MAST2: variants seen among roughly 807,000 people sequenced by gnomAD.
MAST2 encodes microtubule associated serine/threonine kinase 2, also known as microtubule-associated serine/threonine-protein kinase 2.
A neutral mutation model predicts 147.4 loss-of-function variants in MAST2; 70 were observed. That is an observed-to-expected ratio of 0.47 (90% CI 0.39 to 0.58). MAST2 has a LOEUF of 0.58. Ranked by LOEUF, MAST2 falls within the 20% of genes least tolerant of loss-of-function variation. MAST2 has a pLI of 0.00. For synonymous variants in MAST2, 869 were observed against 896.8 expected, an observed-to-expected ratio of 0.97 and a Z score of 0.55; for missense variants, 2,080 against 2,302.3, an observed-to-expected ratio of 0.90 and a Z score of 1.98.
chr1:45,809,863 G>A (rs755864328), intron 1 of MAST2, among the ~76,000 whole-genome samples: 1 of 152,202 alleles, frequency 6.6e-6, no homozygotes, highest in Non-Finnish European at 1.5e-5. Context: ...CACATAATAA[G>A]TAGGTGCTTA....
intron 15 of MAST2, chr1:46,024,245 T>G (rs991925159): frequency 1.1e-5 from 5 of 448,278 alleles, no homozygotes; most frequent in Non-Finnish European, 2.1e-5. Flanking sequence ...GCCTGCACGC[T>G]CTCTACTGCT....
intron 10 of MAST2, among the ~76,000 whole-genome samples, chr1:46,016,770 A>G (rs1645964346): frequency 6.6e-6 from 1 of 152,244 alleles, no homozygotes; most frequent in African/African-American, 2.4e-5. Flanking sequence ...TATAGATTCA[A>G]CACCATCCCC....
chr1:45,934,989 A>G (rs958908755), intron 4 of MAST2, among the ~76,000 whole-genome samples: 1 of 152,256 alleles, frequency 6.6e-6, no homozygotes, highest in East Asian at 1.9e-4. Flanking sequence ...TGCTTTCCAC[A>G]GAGGCTGAAC....
chr1:45,851,344 AT>A (rs1431096279), intron 3 of MAST2, among the ~76,000 whole-genome samples: 1 of 152,154 alleles, frequency 6.6e-6, no homozygotes, highest in Non-Finnish European at 1.5e-5. Context: ...CTGGGAAGCC[AT>A]TTATCAGTTC....
intron 26 of MAST2, among the ~76,000 whole-genome samples, chr1:46,033,117 A>G (rs969152796): frequency 1.3e-5 from 2 of 152,070 alleles, no homozygotes; most frequent in African/African-American, 4.8e-5. Flanking sequence ...TACTAAAAAT[A>G]ACAAAAATTA....
At chr1:45,903,191 G>A (rs569679365) in intron 4 of MAST2, among the ~76,000 whole-genome samples, 5 of 132,128 alleles carry the variant, frequency 3.8e-5, no homozygotes, top group South Asian at 4.8e-4. Context: ...ATGCAGTGGC[G>A]TGATCTCGGC....
In MAST2 at chr1:45,886,138, A is replaced by T. The variant is rs192481930; in HGVS notation, c.500+3743A>T. Reference sequence around the variant, plus strand: ...AAAATCAAAAAATTTTGTATTGTCCAGGAATTTTCTCATTAAGGCAACATT... The same window carrying T: ...AAAATCAAAAAATTTTGTATTGTCCTGGAATTTTCTCATTAAGGCAACATT... On this transcript the variant is annotated intron_variant, in intron 4 of 28. Transcript: ENST00000361297. Among the ~76,000 whole-genome samples, 11 of 151,702 alleles carry T rather than the reference A, an allele frequency of 7.3e-5. No individual in the cohort carries two copies. The East Asian group carries it at 2.1e-3, about 29-fold the overall frequency.
intron 3 of MAST2, among the ~76,000 whole-genome samples, chr1:45,876,793 TA>T (rs1283994166): frequency 6.6e-6 from 1 of 152,156 alleles, no homozygotes; most frequent in African/African-American, 2.4e-5. Context: ...TGTATAGGTG[TA>T]AGGAAGTCGG....
intron 5 of MAST2, among the ~76,000 whole-genome samples, chr1:45,996,597 G>A (rs1043171633): frequency 2.0e-5 from 3 of 152,072 alleles, no homozygotes; most frequent in African/African-American, 7.2e-5. Flanking sequence ...ATGCACCTGG[G>A]GGTGAGAAGA....
At position 45,888,663 on chromosome 1, in the gene MAST2, C is replaced by CTTTTTTTTTT. The variant is rs71587722; in HGVS notation, c.500+6295_500+6304dup. Among the ~76,000 whole-genome samples, 131 of 48,722 alleles carry CTTTTTTTTTT rather than the reference C, an allele frequency of 2.7e-3. 16 individuals are homozygous for CTTTTTTTTTT. Among genetic ancestry groups the CTTTTTTTTTT allele is most frequent in the African/African-American group, 3.4e-3 (43 of 12,778 alleles). 32.0% of individuals were successfully genotyped at this position (48,722 alleles called of 152,430 possible). A position where few individuals can be genotyped will look rare whatever the true frequency, so the allele number is the denominator to read the frequency against. On this transcript the variant is annotated intron_variant, in intron 4 of 28. Coordinates refer to ENST00000361297, the MANE Select transcript of MAST2 (RefSeq NM_015112.3). The stretch of plus-strand genomic sequence containing the variant: ...AGGCGTGAGCCACCGCGCGCGGCCT[C>CTTTTTTTTTT]TTTTTTTTTTTTTTTTTTTTTTTTT...
chr1:46,007,047 C>G (rs189484648), intron 8 of MAST2, among the ~76,000 whole-genome samples: 150 of 152,332 alleles, frequency 9.8e-4, no homozygotes, highest in Middle Eastern at 3.4e-3. Flanking sequence ...TCAAACCAAA[C>G]TAACCTTAAC....
chr1:45,962,843 C>T (rs1479270450), intron 5 of MAST2, among the ~76,000 whole-genome samples: 1 of 152,164 alleles, frequency 6.6e-6, no homozygotes, highest in Non-Finnish European at 1.5e-5. Flanking sequence ...TTGCTCATGC[C>T]TATGTCCTGA....
chr1:45,946,813 C>T (rs528812135), intron 4 of MAST2, among the ~76,000 whole-genome samples: 2 of 152,208 alleles, frequency 1.3e-5, no homozygotes, highest in Non-Finnish European at 2.9e-5. Context: ...AAGGTGGTCA[C>T]GACTAAAGAC....
chr1:45,928,083 A>C (rs10890373), intron 4 of MAST2, among the ~76,000 whole-genome samples: 42,711 of 152,052 alleles, frequency 0.28, 6,169 homozygotes, highest in South Asian at 0.39. Flanking sequence ...GTGTTATGGA[A>C]AAATCTCAAA....
intron 5 of MAST2, among the ~76,000 whole-genome samples, chr1:45,973,530 AAAAATAGGGCTAGAGATACAAATGTTG>A (rs1298972193): frequency 7.2e-5 from 11 of 152,218 alleles, no homozygotes; most frequent in African/African-American, 2.7e-4. Context: ...ATTTCAAGGA[AAAAATAGGGCTAGAGATACAAATGTTG>A]GACTTTCACC....
intron 5 of MAST2, among the ~76,000 whole-genome samples, chr1:45,970,702 T>G (rs1643882493): frequency 6.7e-6 from 1 of 148,752 alleles, no homozygotes; most frequent in Non-Finnish European, 1.5e-5. Flanking sequence ...ATTTCTGCTC[T>G]GGTAAGTTGT....
chr1:45,910,564 A>G (rs759238438), intron 4 of MAST2, among the ~76,000 whole-genome samples: 5 of 152,216 alleles, frequency 3.3e-5, no homozygotes, highest in Admixed American at 1.3e-4. Flanking sequence ...ATTCTGCAAA[A>G]TGTTCCTCAA....
At chr1:45,912,289 A>G (rs916610943) in intron 4 of MAST2, among the ~76,000 whole-genome samples, 12 of 152,060 alleles carry the variant, frequency 7.9e-5, no homozygotes, top group Admixed American at 6.6e-4. Flanking sequence ...TAACAAATAA[A>G]GTTTACATTA....
intron 3 of MAST2, among the ~76,000 whole-genome samples, chr1:45,871,814 G>A (rs771245433): frequency 6.6e-6 from 1 of 152,200 alleles, no homozygotes; most frequent in African/African-American, 2.4e-5. Flanking sequence ...TGTTATTTAT[G>A]TTAGTTACAT....
Sources: gnomAD v4.1 joint callset for allele counts (sites outside exome capture counted in the v4.1 genomes callset) on GRCh38, gnomAD v4.1.1 for gene constraint, MANE v1.5 for transcripts, NCBI Gene and HGNC (gene_info 2026-07-23, HGNC 2026-07-21) for gene names.